CSMD1: variants seen among roughly 807,000 people sequenced by gnomAD.
The protein encoded by CSMD1 is CUB and Sushi multiple domains 1.
In CSMD1, 213 loss-of-function variants were observed where a neutral mutation model predicts 417.5. The observed-to-expected ratio is 0.51, with a 90% CI of 0.46 to 0.57. The LOEUF is 0.57. Ranked by LOEUF, CSMD1 falls within the 20% of genes least tolerant of loss-of-function variation. CSMD1 has a pLI of 0.00. For missense variants in CSMD1, 6,923 were observed against 4,529.7 expected, an observed-to-expected ratio of 1.53 and a Z score of -15.17; for synonymous variants, 2,862 against 1,736.8, an observed-to-expected ratio of 1.65 and a Z score of -16.11.
chr8:3,259,395 A>T (rs1241167410), intron 26 of CSMD1, among the ~76,000 whole-genome samples: 3 of 151,354 alleles, frequency 2.0e-5, no homozygotes, highest in African/African-American at 7.3e-5. Flanking sequence ...GTTTACGGAC[A>T]CTCAGTAATC....
chr8:4,864,489 A>G (rs1243681674), intron 1 of CSMD1, among the ~76,000 whole-genome samples: 1 of 151,732 alleles, frequency 6.6e-6, no homozygotes. Flanking sequence ...AAACCCTATA[A>G]CATTGTTTGA....
chr8:4,642,588 G>A (rs1803266150), intron 1 of CSMD1, among the ~76,000 whole-genome samples: 1 of 152,186 alleles, frequency 6.6e-6, no homozygotes. Flanking sequence ...AAACTGTGCT[G>A]TTTCTCTCAG....
At chr8:4,194,928 A>G (rs1799242877) in intron 3 of CSMD1, among the ~76,000 whole-genome samples, 2 of 151,922 alleles carry the variant, frequency 1.3e-5, no homozygotes, top group South Asian at 4.1e-4. Context: ...ATCACAGTAG[A>G]AGAGGTGATT....
At chr8:4,777,897 T>A (rs1796948523) in intron 1 of CSMD1, among the ~76,000 whole-genome samples, 1 of 152,180 alleles carries the variant, frequency 6.6e-6, no homozygotes, top group Non-Finnish European at 1.5e-5. Context: ...TCAAATAAAC[T>A]ACCTATCCCA....
At chr8:3,638,707 G>C (rs1014540648) in intron 7 of CSMD1, among the ~76,000 whole-genome samples, 5 of 152,130 alleles carry the variant, frequency 3.3e-5, no homozygotes, top group African/African-American at 1.2e-4. Flanking sequence ...TGGGCAAAAG[G>C]CTTGTGGTCA....
At chr8:3,225,507 C>G (rs767942263) in intron 27 of CSMD1, among the ~76,000 whole-genome samples, 1 of 151,876 alleles carries the variant, frequency 6.6e-6, no homozygotes, top group Non-Finnish European at 1.5e-5. Context: ...GCAGTACAAG[C>G]GTGGACCGAT....
At position 4,984,682 on chromosome 8, in the gene CSMD1, A is replaced by G. The variant is rs575394378; in HGVS notation, c.85+9650T>C. ...TGAACTTGCCAGATAGATGGAGAGA[A>G]CAAACCACTTGACTGGGCACAAAGC... On this transcript the variant is annotated intron_variant, in intron 1 of 69. Coordinates refer to ENST00000635120, the MANE Select transcript of CSMD1 (RefSeq NM_033225.6). Among the ~76,000 whole-genome samples, 19 of 152,342 alleles carry G rather than the reference A, an allele frequency of 1.2e-4. No homozygotes were observed. In the South Asian group the frequency reaches 3.9e-3, roughly 32 times the overall value.
intron 5 of CSMD1, among the ~76,000 whole-genome samples, chr8:3,949,454 G>C (rs952566656): frequency 3.9e-5 from 6 of 152,140 alleles, no homozygotes; most frequent in African/African-American, 9.7e-5. Flanking sequence ...TTAAGGAAAA[G>C]GATACATTTT....
intron 19 of CSMD1, 102 bp from the exon 20 acceptor site, chr8:3,367,349 T>C (rs1427417969): frequency 1.3e-5 from 9 of 715,372 alleles, no homozygotes; most frequent in Non-Finnish European, 2.1e-5. Context: ...GACATAGAGA[T>C]GACAGAGATG....
intron 2 of CSMD1, among the ~76,000 whole-genome samples, chr8:4,607,561 C>A (rs1249227618): frequency 6.6e-6 from 1 of 152,116 alleles, no homozygotes; most frequent in Admixed American, 6.6e-5. Context: ...TCAACAAGGA[C>A]CTCATTAAAT....
intron 3 of CSMD1, among the ~76,000 whole-genome samples, chr8:4,192,416 G>A (rs1413854853): frequency 1.3e-5 from 2 of 151,992 alleles, no homozygotes; most frequent in Non-Finnish European, 2.9e-5. Context: ...AACATCAAGA[G>A]GCCACCATCA....
chr8:3,431,222 A>G (rs1402901115), intron 12 of CSMD1, among the ~76,000 whole-genome samples: 1 of 152,172 alleles, frequency 6.6e-6, no homozygotes, highest in East Asian at 1.9e-4. Flanking sequence ...ACACAGGTCC[A>G]TGCAACAGCT....
chr8:4,360,506 T>C (rs1000365551), intron 3 of CSMD1, among the ~76,000 whole-genome samples: 3 of 152,194 alleles, frequency 2.0e-5, no homozygotes, highest in Non-Finnish European at 2.9e-5. Context: ...CCCAGGTTCT[T>C]TGAGATGGAG....
At chr8:3,526,945 A>C (rs1429289366) in intron 10 of CSMD1, among the ~76,000 whole-genome samples, 1 of 152,092 alleles carries the variant, frequency 6.6e-6, no homozygotes, top group Non-Finnish European at 1.5e-5. Flanking sequence ...GATCTTTGTC[A>C]ATGAGTCTAT....
chr8:4,458,385 T>C (rs1799614414), intron 2 of CSMD1, among the ~76,000 whole-genome samples: 1 of 152,104 alleles, frequency 6.6e-6, no homozygotes, highest in African/African-American at 2.4e-5. Context: ...AAACCTAAAG[T>C]TATTACAAGT....
intron 6 of CSMD1, among the ~76,000 whole-genome samples, chr8:3,746,012 G>A (rs1388389611): frequency 1.3e-5 from 2 of 152,322 alleles, no homozygotes; most frequent in African/African-American, 2.4e-5. Flanking sequence ...CACATGTACA[G>A]TAGACACAAT....
intron 3 of CSMD1, among the ~76,000 whole-genome samples, chr8:4,084,531 C>T (rs1490442928): frequency 6.6e-6 from 1 of 151,954 alleles, no homozygotes; most frequent in East Asian, 1.9e-4. Flanking sequence ...TCCTTACTTC[C>T]TCAAGGAAAA....
At chr8:4,822,251 A>T (rs1330861787) in intron 1 of CSMD1, among the ~76,000 whole-genome samples, 4 of 152,110 alleles carry the variant, frequency 2.6e-5, no homozygotes. Flanking sequence ...CCACTTGCTA[A>T]CTAGAGGATC....
intron 1 of CSMD1, among the ~76,000 whole-genome samples, chr8:4,722,114 T>C (rs1809098428): frequency 1.3e-5 from 2 of 152,080 alleles, no homozygotes; most frequent in South Asian, 2.1e-4. Flanking sequence ...CTATAGGTAA[T>C]AGTGTTATGT....
Sources: allele counts gnomAD v4.1 joint callset (sites outside exome capture counted in the v4.1 genomes callset), GRCh38; gene constraint gnomAD v4.1.1; transcripts MANE v1.5; gene names NCBI Gene and HGNC (gene_info 2026-07-23, HGNC 2026-07-21).